Variants in MCTP2 observed in about 807,000 individuals in gnomAD.
The protein encoded by MCTP2 is multiple C2 and transmembrane domain-containing protein 2.
Under a neutral mutation model 111.6 loss-of-function variants are expected in MCTP2, and 132 were observed. The observed-to-expected ratio is 1.18, with a 90% CI of 1.03 to 1.37. The LOEUF is 1.37. MCTP2 is among the 40% of genes most tolerant of loss of function. The pLI, the probability that MCTP2 is intolerant of heterozygous loss-of-function variation, is 0.00. For missense variants in MCTP2, 1,183 were observed against 1,067.9 expected (o/e 1.11, Z -1.50); for synonymous variants, 395 against 387.7 (o/e 1.02, Z -0.22).
chr15:94,298,162 T>C (rs2075361916), intron 1 of MCTP2, 39 bp from the exon 2 acceptor site: 1 of 872,932 alleles, frequency 1.1e-6, no homozygotes, highest in African/African-American at 1.7e-5. Context: ...TTTTTTTTTT[T>C]TGTTTGTTTG....
intron 20 of MCTP2, among the ~76,000 whole-genome samples, chr15:94,459,604 G>A (rs1017207515): frequency 6.6e-6 from 1 of 151,996 alleles, no homozygotes; most frequent in African/African-American, 2.4e-5. Context: ...TATTCTTGTA[G>A]GTTTCATATA....
chr15:94,400,237 C>T (rs2081501312), intron 16 of MCTP2, among the ~76,000 whole-genome samples: 1 of 152,180 alleles, frequency 6.6e-6, no homozygotes. Flanking sequence ...AACAGAAGGT[C>T]TCAGGCCCCC....
intron 1 of MCTP2, among the ~76,000 whole-genome samples, chr15:94,242,880 G>A (rs1319652162): frequency 1.3e-5 from 2 of 149,266 alleles, no homozygotes; most frequent in African/African-American, 4.9e-5. Context: ...AGCTGACAGT[G>A]TTTCCTAAAT....
At chr15:94,414,924 C>T (rs2082307851) in intron 17 of MCTP2, among the ~76,000 whole-genome samples, 1 of 152,100 alleles carries the variant, frequency 6.6e-6, no homozygotes, top group African/African-American at 2.4e-5. Flanking sequence ...CACCAGCTTC[C>T]ATCTTAAAGA....
intron 12 of MCTP2, among the ~76,000 whole-genome samples, chr15:94,380,662 AGAGGCTGAG>A (rs1957059754): frequency 6.6e-6 from 1 of 151,754 alleles, no homozygotes. Context: ...CAGCTACCTG[AGAGGCTGAG>A]GAGGGAGAAT....
intron 22 of MCTP2, 48 bp from the exon 23 acceptor site, chr15:94,478,918 G>C (rs768362134): frequency 5.1e-6 from 8 of 1,568,780 alleles, no homozygotes; most frequent in Non-Finnish European, 7.0e-6. Context: ...ACACTGTGGC[G>C]AGCTAGGGTT....
intron 4 of MCTP2, among the ~76,000 whole-genome samples, chr15:94,316,733 G>C (rs1293578516): frequency 1.3e-5 from 2 of 152,022 alleles, no homozygotes; most frequent in East Asian, 3.8e-4. Flanking sequence ...TTGTCCTTTA[G>C]AAGTTTTTCA....
rs202165365 is a variant in MCTP2 at position 94,407,774 on chromosome 15, T to TGCGC, written c.2085+5757_2085+5758insGCGC. 1.7e-4 allele frequency among the ~76,000 whole-genome samples: 16 copies of TGCGC among 95,216 alleles called. No homozygotes were observed. The South Asian group carries it at 5.5e-3, about 33-fold the overall frequency. The allele number at this position is 95,216 out of a possible 152,430, so 62.5% of individuals were successfully genotyped here. A position where few individuals can be genotyped will look rare whatever the true frequency, so the allele number is the denominator to read the frequency against. The stretch of plus-strand genomic sequence containing the variant: ...AACCCTTCCAACACACATGTACTTG[T>TGCGC]GCACACACACACACACACACACACA... On this transcript the variant is annotated intron_variant, in intron 17 of 22. Coordinates refer to ENST00000357742, the MANE Select transcript of MCTP2 (RefSeq NM_001385001.1).
At chr15:94,474,159 T>G (rs2074155334) in intron 21 of MCTP2, among the ~76,000 whole-genome samples, 1 of 152,186 alleles carries the variant, frequency 6.6e-6, no homozygotes, top group Admixed American at 6.5e-5. Flanking sequence ...TCTGTACTAT[T>G]TAGGTTAAAA....
chr15:94,342,058 A>G (rs964563496), intron 7 of MCTP2: 1 of 152,152 alleles, frequency 6.6e-6, no homozygotes, highest in Non-Finnish European at 1.5e-5. Flanking sequence ...TATAGCATGC[A>G]ATGTAAATAG....
chr15:94,374,026 C>T (rs998697346), intron 12 of MCTP2, among the ~76,000 whole-genome samples: 3 of 152,140 alleles, frequency 2.0e-5, no homozygotes, highest in Non-Finnish European at 4.4e-5. Context: ...GAAAACAACT[C>T]GCGTTCTAAT....
chr15:94,250,372 A>G (rs796241763), intron 1 of MCTP2, among the ~76,000 whole-genome samples: 23 of 152,284 alleles, frequency 1.5e-4, no homozygotes, highest in African/African-American at 5.3e-4. Flanking sequence ...AAGAGATTCT[A>G]TCCTTCACTT....
chr15:94,371,829 C>T (rs1197384160), intron 12 of MCTP2, among the ~76,000 whole-genome samples: 1 of 152,178 alleles, frequency 6.6e-6, no homozygotes, highest in South Asian at 2.1e-4. Context: ...GCTGAGATTA[C>T]AGATGCCTGC....
At chr15:94,267,244 C>T (rs2073590884) in intron 1 of MCTP2, among the ~76,000 whole-genome samples, 1 of 152,164 alleles carries the variant, frequency 6.6e-6, no homozygotes, top group Non-Finnish European at 1.5e-5. Context: ...CCTTAGCAAG[C>T]ATTGGTCTTA....
chr15:94,342,708 A>G lies in MCTP2; in HGVS notation c.969+1784A>G, dbSNP rs373281139. 6 of 151,422 alleles carry G rather than the reference A, an allele frequency of 4.0e-5. No homozygotes were observed. The East Asian group carries it at 7.7e-4, about 20-fold the overall frequency. 9.4% of individuals were successfully genotyped at this position (151,422 alleles called of 1,614,324 possible). A position where few individuals can be genotyped will look rare whatever the true frequency, so the allele number is the denominator to read the frequency against. On this transcript the variant is annotated intron_variant, in intron 7 of 22. Coordinates refer to ENST00000357742, the MANE Select transcript of MCTP2 (RefSeq NM_001385001.1). Reference sequence around the variant, plus strand: ...TATCTCCATATATATACACACATACATATATATCTCTATATATGCACATAT... The same window carrying G: ...TATCTCCATATATATACACACATACGTATATATCTCTATATATGCACATAT...
intron 10 of MCTP2, among the ~76,000 whole-genome samples, chr15:94,362,731 G>T (rs1026062083): frequency 6.6e-6 from 1 of 152,126 alleles, no homozygotes. Context: ...ATAAAACATA[G>T]AATTATGGTA....
At chr15:94,293,997 G>A (rs1209592362) in intron 1 of MCTP2, among the ~76,000 whole-genome samples, 2 of 152,118 alleles carry the variant, frequency 1.3e-5, no homozygotes, top group African/African-American at 4.8e-5. Flanking sequence ...TAGATTAATT[G>A]TGGTACATCC....
intron 8 of MCTP2, among the ~76,000 whole-genome samples, chr15:94,347,746 G>A (rs549061645): frequency 6.6e-6 from 1 of 152,070 alleles, no homozygotes; most frequent in African/African-American, 2.4e-5. Flanking sequence ...ATAACAATTC[G>A]AGAGCTAAAA....
chr15:94,392,392 T>C lies in MCTP2; in HGVS notation c.1789-6569T>C, dbSNP rs563378177. On this transcript the variant is annotated intron_variant, in intron 14 of 22. Coordinates refer to ENST00000357742, the MANE Select transcript of MCTP2 (RefSeq NM_001385001.1). ...ATCTCAAAAAAAAAAATAGTAATAGTAAGGTTATTATAAATATGAACCTTT... is the reference window on the plus strand; with the variant it reads ...ATCTCAAAAAAAAAAATAGTAATAGCAAGGTTATTATAAATATGAACCTTT... Among the ~76,000 whole-genome samples the C allele has an allele frequency of 2.7e-5, 4 of 150,904 alleles. No individual in the cohort carries two copies. The South Asian group carries it at 8.4e-4, about 32-fold the overall frequency.
Sources: allele counts gnomAD v4.1 joint callset (sites outside exome capture counted in the v4.1 genomes callset), GRCh38; gene constraint gnomAD v4.1.1; transcripts MANE v1.5; gene names NCBI Gene and HGNC (gene_info 2026-07-23, HGNC 2026-07-21).